Variants in ZFPM2 observed in about 807,000 individuals in gnomAD.
ZFPM2 encodes the protein zinc finger protein ZFPM2.
In ZFPM2, 20 loss-of-function variants were observed where a neutral mutation model predicts 98.6. The ratio of observed to expected loss-of-function variants is 0.20; its 90% confidence interval spans 0.14 to 0.29. ZFPM2 has a LOEUF of 0.29. Among genes scored for constraint, ZFPM2 ranks in the 10% least tolerant of loss-of-function variants. The pLI, the probability that ZFPM2 is intolerant of heterozygous loss-of-function variation, is 1.00. For synonymous variants in ZFPM2, 518 were observed against 502.7 expected, an observed-to-expected ratio of 1.03 and a Z score of -0.41; for missense variants, 1,310 against 1,388.6, an observed-to-expected ratio of 0.94 and a Z score of 0.90.
intron 6 of ZFPM2, among the ~76,000 whole-genome samples, chr8:105,789,895 G>C (rs1211968293): frequency 8.7e-5 from 13 of 150,232 alleles, no homozygotes; most frequent in African/African-American, 2.9e-4. Context: ...TTTGAGAAGT[G>C]TCTGTTCATG....
intron 5 of ZFPM2, among the ~76,000 whole-genome samples, chr8:105,708,891 G>T (rs1318554991): frequency 6.6e-6 from 1 of 152,162 alleles, no homozygotes; most frequent in Admixed American, 6.5e-5. Flanking sequence ...TGAATCAAAG[G>T]TGATAAAGTA....
At chr8:105,650,948 T>C (rs983791555) in intron 5 of ZFPM2, among the ~76,000 whole-genome samples, 1 of 152,146 alleles carries the variant, frequency 6.6e-6, no homozygotes, top group Non-Finnish European at 1.5e-5. Flanking sequence ...TCTGCAAAGT[T>C]TTCTGACCTC....
intron 5 of ZFPM2, among the ~76,000 whole-genome samples, chr8:105,715,053 T>C (rs1282954595): frequency 6.6e-6 from 1 of 152,066 alleles, no homozygotes; most frequent in Non-Finnish European, 1.5e-5. Context: ...CCAACATTCA[T>C]GTTGTAACTA....
At chr8:105,602,038 G>A (rs1018041654) in intron 4 of ZFPM2, among the ~76,000 whole-genome samples, 1 of 151,960 alleles carries the variant, frequency 6.6e-6, no homozygotes, top group African/African-American at 2.4e-5. Context: ...ACGTCCAACT[G>A]CTCCTTCAGT....
chr8:105,571,118 A>C (rs1466960291), intron 4 of ZFPM2, among the ~76,000 whole-genome samples: 1 of 152,212 alleles, frequency 6.6e-6, no homozygotes, highest in Non-Finnish European at 1.5e-5. Flanking sequence ...TTTCCCACAG[A>C]GGATCGGTGT....
intron 4 of ZFPM2, among the ~76,000 whole-genome samples, chr8:105,585,902 G>A (rs1815701633): frequency 6.6e-6 from 1 of 151,750 alleles, no homozygotes; most frequent in Non-Finnish European, 1.5e-5. Context: ...AAAAATAGAA[G>A]GGATGTCTAA....
At chr8:105,776,938 C>A (rs1183397934) in intron 5 of ZFPM2, among the ~76,000 whole-genome samples, 2 of 152,214 alleles carry the variant, frequency 1.3e-5, no homozygotes, top group Non-Finnish European at 2.9e-5. Context: ...AAAGCAGAAT[C>A]TTCTCTTAGT....
rs371422868 is a variant in ZFPM2 at position 105,429,044 on chromosome 8, G to A, written c.199+9742G>A. ...GTGATTATATTTTTCTGACAGAAAG[G>A]AAGGTCTCTTTAAGGATTATTTTTA... On this transcript the variant is annotated intron_variant, in intron 2 of 7. Coordinates refer to ENST00000407775, the MANE Select transcript of ZFPM2 (RefSeq NM_012082.4). 5.9e-5 allele frequency among the ~76,000 whole-genome samples: 9 copies of A among 152,330 alleles called. 1 individual carries two copies. Among genetic ancestry groups the A allele is most frequent in the African/African-American group, 2.2e-4 (9 of 41,582 alleles).
chr8:105,558,571 CAA>C lies in ZFPM2; in HGVS notation c.302-2791_302-2790del, dbSNP rs539425482. 1.6e-4 allele frequency among the ~76,000 whole-genome samples: 25 copies of C among 152,244 alleles called. No individual in the cohort carries two copies. In the East Asian group the frequency reaches 4.8e-3, roughly 29 times the overall value. On this transcript the variant is annotated intron_variant, in intron 3 of 7. Transcript: ENST00000407775. The stretch of plus-strand genomic sequence containing the variant: ...TTGGATATCACTTTACAATCTGCCC[CAA>C]GTTTGTAGTTCTTAATCCATTAAAA...
At chr8:105,413,777 C>A (rs1341845287) in intron 1 of ZFPM2, among the ~76,000 whole-genome samples, 3 of 151,598 alleles carry the variant, frequency 2.0e-5, no homozygotes, top group Non-Finnish European at 2.9e-5. Flanking sequence ...TTGTTCTGTG[C>A]ACAAGTAAAA....
At chr8:105,662,272 T>A (rs1404661637) in intron 5 of ZFPM2, 1 of 152,024 alleles carries the variant, frequency 6.6e-6, no homozygotes, top group Non-Finnish European at 1.5e-5. Context: ...TGTGTATTTT[T>A]AAGGAAAAGG....
At chr8:105,424,304 A>G (rs1369349142) in intron 2 of ZFPM2, among the ~76,000 whole-genome samples, 2 of 152,170 alleles carry the variant, frequency 1.3e-5, no homozygotes, top group Non-Finnish European at 2.9e-5. Flanking sequence ...GATGCTATCA[A>G]AGTTGCTTTG....
intron 5 of ZFPM2, among the ~76,000 whole-genome samples, chr8:105,696,141 A>G (rs1189950657): frequency 6.6e-6 from 1 of 152,198 alleles, no homozygotes; most frequent in African/African-American, 2.4e-5. Context: ...TCTCTGCTGA[A>G]CACAGTGAGA....
intron 5 of ZFPM2, among the ~76,000 whole-genome samples, chr8:105,770,068 T>C (rs566753910): frequency 5.9e-5 from 9 of 152,196 alleles, no homozygotes; most frequent in Admixed American, 4.6e-4. Flanking sequence ...TCTCAGGCTA[T>C]AGGCAGAAGA....
intron 5 of ZFPM2, among the ~76,000 whole-genome samples, chr8:105,646,335 A>G (rs991987008): frequency 6.6e-6 from 1 of 152,096 alleles, no homozygotes; most frequent in African/African-American, 2.4e-5. Flanking sequence ...AGGGAGGGGT[A>G]GTGTCGGGTG....
intron 3 of ZFPM2, among the ~76,000 whole-genome samples, chr8:105,553,653 T>TTTTAATACCATC (rs1043190029): frequency 2.0e-5 from 3 of 152,194 alleles, no homozygotes; most frequent in Non-Finnish European, 4.4e-5. Context: ...CCTCATGCTC[T>TTTTAATACCATC]TTTAATACCA....
At chr8:105,360,702 C>G (rs1327376826) in intron 1 of ZFPM2, among the ~76,000 whole-genome samples, 3 of 148,344 alleles carry the variant, frequency 2.0e-5, no homozygotes, top group Non-Finnish European at 4.5e-5. Flanking sequence ...CAATTCCCAC[C>G]TATGAGTGAG....
At chr8:105,626,098 A>G (rs1459290584) in intron 4 of ZFPM2, among the ~76,000 whole-genome samples, 1 of 152,172 alleles carries the variant, frequency 6.6e-6, no homozygotes, top group Non-Finnish European at 1.5e-5. Context: ...TCAAAAGCTT[A>G]ACTTACTAAA....
At chr8:105,678,384 A>C (rs1333934676) in intron 5 of ZFPM2, 2 of 152,180 alleles carry the variant, frequency 1.3e-5, no homozygotes, top group Non-Finnish European at 2.9e-5. Flanking sequence ...TCAGTAATAG[A>C]GAATTAGTTT....
Sources: gnomAD v4.1 joint callset for allele counts (sites outside exome capture counted in the v4.1 genomes callset) on GRCh38, gnomAD v4.1.1 for gene constraint, MANE v1.5 for transcripts, NCBI Gene and HGNC (gene_info 2026-07-23, HGNC 2026-07-21) for gene names.